Variants in WFDC2 observed in about 807,000 individuals in gnomAD.
WFDC2 encodes WAP four-disulfide core domain 2.
WFDC2 carries 8 observed loss-of-function variants against 12.5 expected under a neutral mutation model. The ratio of observed to expected loss-of-function variants is 0.64; its 90% CI spans 0.37 to 1.15. The LOEUF (loss-of-function observed/expected upper bound fraction) is 1.15. Ranked by LOEUF, WFDC2 falls within the 50% of genes most tolerant of loss-of-function variation. The probability of loss-of-function intolerance (pLI) is 0.01; values close to 1 mark genes in which losing one functional copy is unlikely to be tolerated. For missense variants in WFDC2, 166 were observed against 159.9 expected (o/e 1.04, Z -0.21); for synonymous variants, 74 against 67.2 (o/e 1.10, Z -0.49).
chr20:45,470,358 A>C lies in WFDC2; in HGVS notation c.80-31A>C. The C allele has an allele frequency of 1.3e-6, 2 of 1,559,758 alleles. No individual in the cohort carries two copies. Among genetic ancestry groups the C allele is most frequent in the Non-Finnish European group, 1.7e-6 (2 of 1,150,880 alleles). Reference sequence around the variant, plus strand: ...TCCTCTGGGGCTGGCGCTACGCCCCACCCTCGACTGTCCCGGGCCTCCCCT... The same window carrying C: ...TCCTCTGGGGCTGGCGCTACGCCCCCCCCTCGACTGTCCCGGGCCTCCCCT... On this transcript the variant is annotated intron_variant, in intron 1 of 3. Transcript: ENST00000372676. This position sits in a 1 kb window ranked among gnomAD's most constrained non-coding sequence, Gnocchi z 5.4.
intron 3 of WFDC2, 25 bp downstream of exon 3, chr20:45,480,119 G>A: frequency 6.2e-7 from 1 of 1,611,180 alleles, no homozygotes; most frequent in Non-Finnish European, 8.5e-7. Flanking sequence ...AAGAGAAAGT[G>A]CATTGATGGC....
chr20:45,469,952 G>A (rs540030806), intron 1 of WFDC2, 92 bp downstream of exon 1: 21 of 1,468,922 alleles, frequency 1.4e-5, no homozygotes, highest in Non-Finnish European at 1.9e-5. Flanking sequence ...CTGGAGGCTG[G>A]GGAAGTGGGA....
At chr20:45,480,855 A>C (rs1398820142) in intron 3 of WFDC2, among the ~76,000 whole-genome samples, 2 of 152,206 alleles carry the variant, frequency 1.3e-5, no homozygotes, top group Admixed American at 1.3e-4. Context: ...GGGCTCTCAG[A>C]TGCCAACTGC....
rs1270850603 is a variant in WFDC2 at position 45,470,867 on chromosome 20, G to A, written c.223+335G>A. ...TTCCTTCTCGAACCGGCCGAAGCCT[G>A]CCCTGCGGGAAAGCCCGGAGCCTGG... is the stretch of plus-strand genomic sequence containing the variant. On this transcript the variant is annotated intron_variant, in intron 2 of 3. Transcript: ENST00000372676. The surrounding 1 kb of genome is among the most constrained non-coding windows in gnomAD (Gnocchi z 5.4). 6.6e-6 allele frequency among the ~76,000 whole-genome samples: 1 copy of A among 152,186 alleles called. No individual in the cohort carries two copies.
At position 45,470,748 on chromosome 20, in the gene WFDC2, CT is replaced by C. The variant is rs1991160790; in HGVS notation, c.223+217del. On this transcript the variant is annotated intron_variant, in intron 2 of 3. Coordinates refer to ENST00000372676, the MANE Select transcript of WFDC2 (RefSeq NM_006103.4). The surrounding 1 kb of genome is among the most constrained non-coding windows in gnomAD (Gnocchi z 5.4). ...CGCAGCCAAGGGGGGGTCCCCACCC[CT>C]AGCTGGGATTCGAGTCTCTGGTGCA... Among the ~76,000 whole-genome samples, 1 of 152,176 alleles carries C rather than the reference CT, an allele frequency of 6.6e-6. No individual in the cohort carries two copies. Among genetic ancestry groups the C allele is most frequent in the South Asian group, 2.1e-4 (1 of 4,832 alleles).
intron 2 of WFDC2, 93 bp from the exon 3 acceptor site, chr20:45,479,849 C>T: frequency 6.2e-7 from 1 of 1,613,948 alleles, no homozygotes; most frequent in South Asian, 1.1e-5. Context: ...ATGTGAAGCC[C>T]AGTGAGGGGC....
Position 45,479,973 on chromosome 20 carries a change from T to A in WFDC2, c.255T>A (p.Ile85=). The A allele has an allele frequency of 6.2e-7, 1 of 1,614,252 alleles. No individual in the cohort carries two copies. Among genetic ancestry groups the A allele is most frequent in the Non-Finnish European group, 8.5e-7 (1 of 1,180,042 alleles). ...AGGGTTCCTGCCCCCAGGTGAACAT[T>A]AACTTTCCCCAGCTCGGCCTCTGTC... The part of the protein sequence containing the change: ...DKEGSCPQVN[I]NFPQLGLCRD... The change falls in exon 3 of 4, where the codon ATT becomes ATA. Residue 85 remains isoleucine, a synonymous_variant. Transcript: ENST00000372676.
At chr20:45,471,034 C>G in intron 2 of WFDC2, 1 of 422,792 alleles carries the variant, frequency 2.4e-6, no homozygotes, top group Non-Finnish European at 5.0e-6. Context: ...GGAAAATGCC[C>G]CGCTCATCTT....
Position 45,470,334 on chromosome 20 carries a change from C to T in WFDC2, c.80-55C>T, listed in dbSNP as rs1991150801. On this transcript the variant is annotated intron_variant, in intron 1 of 3. Coordinates refer to ENST00000372676, the MANE Select transcript of WFDC2 (RefSeq NM_006103.4). The surrounding 1 kb of genome is among the most constrained non-coding windows in gnomAD (Gnocchi z 5.4). ...AAGGTTTGGAGCAGGAGGTGGGCAT[C>T]CTCTGGGGCTGGCGCTACGCCCCAC... The T allele has an allele frequency of 2.0e-6, 3 of 1,528,888 alleles. No individual in the cohort carries two copies. The South Asian group carries it at 3.7e-5, about 19-fold the overall frequency. The allele number at this position is 1,528,888 out of a possible 1,614,324, so 94.7% of individuals were successfully genotyped here.
chr20:45,477,403 T>C (rs1331844473), intron 2 of WFDC2, among the ~76,000 whole-genome samples: 1 of 152,224 alleles, frequency 6.6e-6, no homozygotes, highest in Non-Finnish European at 1.5e-5. Flanking sequence ...TTCCTTTCTG[T>C]TAGTTTTCCT....
intron 2 of WFDC2, chr20:45,471,011 C>A (rs1433634676): frequency 5.0e-6 from 2 of 396,216 alleles, no homozygotes; most frequent in Non-Finnish European, 1.1e-5. Flanking sequence ...CGGAAAGGAA[C>A]TTTACAGATT....
chr20:45,479,843 G>A (rs999134522), intron 2 of WFDC2, 99 bp from the exon 3 acceptor site: 2 of 1,613,748 alleles, frequency 1.2e-6, no homozygotes, highest in African/African-American at 2.7e-5. Flanking sequence ...TGCTGTATGT[G>A]AAGCCCAGTG....
Position 45,470,306 on chromosome 20 carries a change from G to A in WFDC2, c.80-83G>A, listed in dbSNP as rs747937696. On this transcript the variant is annotated intron_variant, in intron 1 of 3. Coordinates refer to ENST00000372676, the MANE Select transcript of WFDC2 (RefSeq NM_006103.4). The surrounding 1 kb of genome is among the most constrained non-coding windows in gnomAD (Gnocchi z 5.4). Reference sequence around the variant, plus strand: ...GGCCAGAGACTGAGAATTCCTTGGGGTTAAGGTTTGGAGCAGGAGGTGGGC... The same window carrying A: ...GGCCAGAGACTGAGAATTCCTTGGGATTAAGGTTTGGAGCAGGAGGTGGGC... 1.5e-4 allele frequency: 225 copies of A among 1,488,182 alleles called. No homozygotes were observed. Among genetic ancestry groups the A allele is most frequent in the Admixed American group, 2.7e-4 (12 of 44,786 alleles). The allele number at this position is 1,488,182 out of a possible 1,614,324, so 92.2% of individuals were successfully genotyped here.
intron 2 of WFDC2, among the ~76,000 whole-genome samples, chr20:45,473,361 A>C (rs1991195904): frequency 2.0e-5 from 3 of 152,188 alleles, no homozygotes; most frequent in Admixed American, 6.5e-5. Flanking sequence ...TTTTTGCATA[A>C]GGTGTAAGGA....
At chr20:45,480,539 C>T (rs770576771) in intron 3 of WFDC2, among the ~76,000 whole-genome samples, 60 of 152,068 alleles carry the variant, frequency 3.9e-4, no homozygotes, top group Non-Finnish European at 6.9e-4. Context: ...ATTGCTTGAA[C>T]CTGGGAGACA....
At chr20:45,479,559 C>A in intron 2 of WFDC2, 1 of 1,059,536 alleles carries the variant, frequency 9.4e-7, no homozygotes, top group Non-Finnish European at 1.5e-6. Context: ...TTTCTCATAA[C>A]TACAGAGTAG....
rs1267540042 is a variant in WFDC2, at chr20:45,470,485, T to C, written c.176T>C (p.Leu59Pro). 1 of 1,598,430 alleles carries C rather than the reference T, an allele frequency of 6.3e-7. No homozygotes were observed. Among genetic ancestry groups the C allele is most frequent in the Admixed American group, 1.7e-5 (1 of 58,394 alleles). ...CVSDSECADN[L>P]KCCSAGCATF... The stretch of plus-strand genomic sequence containing the variant: ...TCGGACAGCGAATGCGCCGACAACC[T>C]CAAGTGCTGCAGCGCGGGCTGTGCC... Residue 59 changes from leucine (L) to proline (P), a missense_variant, in exon 2 of 4, where the codon CTC becomes CCC. Coordinates refer to ENST00000372676, the MANE Select transcript of WFDC2 (RefSeq NM_006103.4). The surrounding 1 kb of genome is among the most constrained non-coding windows in gnomAD (Gnocchi z 5.4).
At chr20:45,479,881 G>A (rs1290550759) in intron 2 of WFDC2, 61 bp from the exon 3 acceptor site, 1 of 1,613,950 alleles carries the variant, frequency 6.2e-7, no homozygotes, top group Admixed American at 1.7e-5. Context: ...CATGCTGCAG[G>A]TACAAGTTAA....
chr20:45,480,071 C>T lies in WFDC2; in HGVS notation c.353C>T (p.Ser118Phe). 6.2e-7 allele frequency: 1 copy of T among 1,614,150 alleles called. No homozygotes were observed. The change falls in exon 3 of 4, where the codon TCC becomes TTC. Residue 118 changes from serine to phenylalanine, a missense_variant. Ser to Phe is a radical substitution (Grantham distance 155, BLOSUM62 -2). Transcript: ENST00000372676. ...KCCRNGCGKV[S>F]CVTPNF The stretch of plus-strand genomic sequence containing the variant: ...TGCCGCAATGGCTGTGGGAAGGTGT[C>T]CTGTGTCACTCCCAATTTCTGAGGT...
Sources: gnomAD v4.1 joint callset for allele counts (sites outside exome capture counted in the v4.1 genomes callset) on GRCh38, gnomAD v4.1.1 for gene constraint, Gnocchi (gnomAD v3.1) non-coding constraint, MANE v1.5 for transcripts, NCBI Gene and HGNC (gene_info 2026-07-23, HGNC 2026-07-21) for gene names.